The following TMEM116 variants were observed in gnomAD, a reference collection of about 807,000 sequenced individuals.
The protein encoded by TMEM116 is transmembrane protein 116.
A neutral mutation model predicts 44.3 loss-of-function variants in TMEM116; 38 were observed. The observed-to-expected ratio is 0.86, with a 90% CI of 0.66 to 1.12. The LOEUF is 1.12. Ranked by LOEUF, TMEM116 falls within the 50% of genes most tolerant of loss-of-function variation. The pLI is 0.00. For missense variants in TMEM116, 354 were observed against 401.7 expected, an observed-to-expected ratio of 0.88 and a Z score of 1.01; for synonymous variants, 132 against 144.8, an observed-to-expected ratio of 0.91 and a Z score of 0.64.
chr12:111,964,136 TAAA>T (rs556004160), intron 4 of TMEM116, among the ~76,000 whole-genome samples: 6 of 131,796 alleles, frequency 4.6e-5, no homozygotes, highest in African/African-American at 2.8e-5. Flanking sequence ...AATTTCAGGT[TAAA>T]AAAAAAAAAA....
chr12:111,938,393 T>C (rs538931907), intron 5 of TMEM116, among the ~76,000 whole-genome samples, 183 bp from the exon 6 acceptor site: 1 of 152,296 alleles, frequency 6.6e-6, no homozygotes, highest in South Asian at 2.1e-4. Context: ...CTGTATATAA[T>C]AGAATTTTAT....
At chr12:111,958,095 C>G (rs1254348073) in intron 4 of TMEM116, among the ~76,000 whole-genome samples, 1 of 151,718 alleles carries the variant, frequency 6.6e-6, no homozygotes, top group Non-Finnish European at 1.5e-5. Flanking sequence ...TAAGAGTCAT[C>G]ACCACTCCCT....
chr12:111,939,893 T>TGTGTGTGTGTGTGTGG, intron 5 of TMEM116, among the ~76,000 whole-genome samples: 1 of 124,254 alleles, frequency 8.0e-6, no homozygotes, highest in African/African-American at 3.5e-5. Context: ...TGTGTGTGTG[T>TGTGTGTGTGTGTGTGG]GTGTGTGTGT....
At chr12:111,981,253 T>C (rs887811781) in intron 4 of TMEM116, among the ~76,000 whole-genome samples, 36 of 152,234 alleles carry the variant, frequency 2.4e-4, no homozygotes, top group African/African-American at 8.7e-4. Flanking sequence ...AAACCAACTT[T>C]TTTTGAGCTC....
At chr12:111,940,932 C>T (rs2072761512) in intron 5 of TMEM116, among the ~76,000 whole-genome samples, 1 of 152,090 alleles carries the variant, frequency 6.6e-6, no homozygotes, top group Non-Finnish European at 1.5e-5. Context: ...CCCTGTAAGG[C>T]TGCTGGACTT....
intron 4 of TMEM116, among the ~76,000 whole-genome samples, chr12:111,967,413 C>A (rs1014383323): frequency 6.6e-6 from 1 of 151,948 alleles, no homozygotes; most frequent in Non-Finnish European, 1.5e-5. Context: ...TTTCCTCCAA[C>A]CTGGCAGGCT....
At chr12:111,936,587 C>A in intron 8 of TMEM116, 105 bp downstream of exon 8, 1 of 1,333,466 alleles carries the variant, frequency 7.5e-7, no homozygotes. Flanking sequence ...GTTCTAGGAC[C>A]ACAAGAAGTG....
intron 4 of TMEM116, among the ~76,000 whole-genome samples, chr12:111,949,113 C>T (rs1386762415): frequency 2.0e-5 from 3 of 152,024 alleles, no homozygotes; most frequent in Non-Finnish European, 4.4e-5. Context: ...GGCCCTCTCC[C>T]CCAACCCCCA....
rs1196645980 is a variant in TMEM116 at position 111,943,346 on chromosome 12, G to A, written c.234C>T (p.Leu78=). ...AATACCAGATGTAATTGACGGTGTA[G>A]AGAAATGAGGAAATGTAGAATATCT... The part of the protein sequence containing the change: ...VGQIFYISSF[L]YTVNYIWYLY... Residue 78 remains leucine, a synonymous_variant, in exon 5 of 11, where the codon CTC becomes CTT. Transcript: ENST00000552374. The A allele has an allele frequency of 3.7e-6, 6 of 1,613,586 alleles. No individual in the cohort carries two copies. The African/African-American group carries it at 6.7e-5, about 18-fold the overall frequency.
intron 4 of TMEM116, among the ~76,000 whole-genome samples, chr12:111,959,933 T>C (rs1045057925): frequency 6.6e-6 from 1 of 151,862 alleles, no homozygotes; most frequent in Non-Finnish European, 1.5e-5. Flanking sequence ...CTGTCGATAT[T>C]AGATCAACGA....
At chr12:112,004,809 T>C (rs1351467481) in intron 2 of TMEM116, among the ~76,000 whole-genome samples, 2 of 151,806 alleles carry the variant, frequency 1.3e-5, no homozygotes, top group African/African-American at 4.8e-5. Context: ...GTTTGTTTTG[T>C]TTTGTTTTAT....
intron 5 of TMEM116, among the ~76,000 whole-genome samples, chr12:111,940,521 G>GTGTATATATATATA (rs2072677023): frequency 4.2e-5 from 4 of 95,748 alleles, no homozygotes; most frequent in Admixed American, 2.3e-4. Flanking sequence ...ACATATATAT[G>GTGTATATATATATA]TGTATATATA....
chr12:111,989,785 CAAAGAGGT>C (rs1275007779), intron 4 of TMEM116, among the ~76,000 whole-genome samples: 1 of 151,970 alleles, frequency 6.6e-6, no homozygotes, highest in African/African-American at 2.4e-5. Flanking sequence ...CTACATAGCT[CAAAGAGGT>C]AAAGGAAAAC....
In TMEM116 at chr12:111,995,611, G is replaced by A. The variant is rs904484161; in HGVS notation, c.79-3722C>T. ...AAATTAGCTGGGCATGGTGGCGGGCGCCTGTAATTCCAGCTACTCAGGAGG... is the reference window on the plus strand; with the variant it reads ...AAATTAGCTGGGCATGGTGGCGGGCACCTGTAATTCCAGCTACTCAGGAGG... On this transcript the variant is annotated intron_variant, in intron 3 of 10. Transcript: ENST00000552374. 7.3e-5 allele frequency among the ~76,000 whole-genome samples: 11 copies of A among 151,386 alleles called. No homozygotes were observed. In the East Asian group the frequency reaches 9.8e-4, roughly 13 times the overall value.
chr12:111,982,268 T>A (rs2075982177), intron 4 of TMEM116, among the ~76,000 whole-genome samples: 1 of 152,068 alleles, frequency 6.6e-6, no homozygotes. Flanking sequence ...TATATACATA[T>A]ATTAAAACAT....
At chr12:111,988,709 A>G (rs1222821082) in intron 4 of TMEM116, among the ~76,000 whole-genome samples, 1 of 150,706 alleles carries the variant, frequency 6.6e-6, no homozygotes, top group African/African-American at 2.4e-5. Context: ...AAAAACGAAC[A>G]GGCCGGGCGC....
chr12:111,994,771 T>C (rs1040752753), intron 3 of TMEM116, among the ~76,000 whole-genome samples: 1 of 152,108 alleles, frequency 6.6e-6, no homozygotes, highest in Non-Finnish European at 1.5e-5. Context: ...TTGCAAACAA[T>C]CAACAGAAAC....
Position 111,939,178 on chromosome 12 carries a change from G to C in TMEM116, c.316-968C>G, listed in dbSNP as rs556254497. On this transcript the variant is annotated intron_variant, in intron 5 of 10. Coordinates refer to ENST00000552374, the MANE Select transcript of TMEM116 (RefSeq NM_001193531.2). ...CTGATAAAAAGCTTATTGCTGGCTG[G>C]GTGCAGTGGCTCATGCCTGTAATCC... Among the ~76,000 whole-genome samples the C allele has an allele frequency of 2.0e-5, 3 of 152,176 alleles. 1 individual carries two copies. Among genetic ancestry groups the C allele is most frequent in the African/African-American group, 7.2e-5 (3 of 41,506 alleles).
chr12:111,946,520 T>C (rs2073291830), intron 4 of TMEM116, among the ~76,000 whole-genome samples: 1 of 152,240 alleles, frequency 6.6e-6, no homozygotes, highest in Non-Finnish European at 1.5e-5. Context: ...GGATATTGTT[T>C]GTGGTTTAGG....
Sources: gnomAD v4.1 joint callset for allele counts (sites outside exome capture counted in the v4.1 genomes callset) on GRCh38, gnomAD v4.1.1 for gene constraint, MANE v1.5 for transcripts, NCBI Gene and HGNC (gene_info 2026-07-23, HGNC 2026-07-21) for gene names.